Variants in GTF2B observed in about 807,000 individuals in gnomAD.
GTF2B encodes general transcription factor IIB, also known as transcription initiation factor IIB.
GTF2B carries 20 observed loss-of-function variants against 34.6 expected under a neutral mutation model. The observed-to-expected ratio is 0.58, with a 90% CI of 0.41 to 0.84. The LOEUF (loss-of-function observed/expected upper bound fraction) is 0.84, where lower values mean the gene tolerates loss of function less well. Ranked by LOEUF, GTF2B falls within the 40% of genes least tolerant of loss-of-function variation. GTF2B has a pLI of 0.00. For missense variants in GTF2B, 237 were observed against 393.3 expected, an observed-to-expected ratio of 0.60 and a Z score of 3.36; for synonymous variants, 142 against 132.4, an observed-to-expected ratio of 1.07 and a Z score of -0.50.
chr1:88,853,429 A>G, intron 6 of GTF2B, 83 bp from the exon 7 acceptor site: 2 of 1,283,348 alleles, frequency 1.6e-6, no homozygotes, highest in South Asian at 1.2e-5. Flanking sequence ...GTGAGATATG[A>G]TAGTATAAAG....
chr1:88,871,616 A>G (rs1673694822), intron 2 of GTF2B, among the ~76,000 whole-genome samples: 1 of 152,242 alleles, frequency 6.6e-6, no homozygotes, highest in Non-Finnish European at 1.5e-5. Flanking sequence ...AAGGAGAACC[A>G]AAAACGTTAA....
chr1:88,855,359 G>GTTTTTTTTT (rs750561898), intron 6 of GTF2B, among the ~76,000 whole-genome samples: 1 of 124,180 alleles, frequency 8.1e-6, no homozygotes, highest in Non-Finnish European at 1.7e-5. Context: ...TTCTGTTTTT[G>GTTTTTTTTT]TTTTTTTTTT....
At chr1:88,855,238 G>A (rs1231575369) in intron 6 of GTF2B, among the ~76,000 whole-genome samples, 1 of 152,046 alleles carries the variant, frequency 6.6e-6, no homozygotes. Context: ...CTAATGATTG[G>A]CTTTCTTTCT....
chr1:88,872,175 C>G (rs895890951), intron 2 of GTF2B, among the ~76,000 whole-genome samples: 1 of 151,540 alleles, frequency 6.6e-6, no homozygotes, highest in Non-Finnish European at 1.5e-5. Flanking sequence ...CTTTTTAGGC[C>G]GGGTGCGGTG....
chr1:88,888,930 T>G (rs1191194496), intron 1 of GTF2B, among the ~76,000 whole-genome samples: 10 of 152,230 alleles, frequency 6.6e-5, no homozygotes, highest in Admixed American at 6.5e-4. Context: ...TCTTAGCTAG[T>G]GCTAGTGGTA....
intron 3 of GTF2B, among the ~76,000 whole-genome samples, chr1:88,862,962 G>GAA (rs571238071): frequency 4.7e-5 from 6 of 128,658 alleles, no homozygotes; most frequent in Non-Finnish European, 3.4e-5. Flanking sequence ...GACTTTTTTG[G>GAA]AAAAAAAAAA....
intron 2 of GTF2B, among the ~76,000 whole-genome samples, chr1:88,876,532 A>C (rs908297777): frequency 2.0e-5 from 3 of 152,136 alleles, no homozygotes; most frequent in African/African-American, 7.2e-5. Context: ...TTTTTAAAAA[A>C]TTAGCTGAGG....
In GTF2B at chr1:88,867,775, T is replaced by G. The variant is rs1233453334; in HGVS notation, c.125-3661A>C. 2.0e-5 allele frequency among the ~76,000 whole-genome samples: 3 copies of G among 152,302 alleles called. No individual in the cohort carries two copies. In the East Asian group the frequency reaches 5.8e-4, roughly 29 times the overall value. On this transcript the variant is annotated intron_variant, in intron 2 of 6. Coordinates refer to ENST00000370500, the MANE Select transcript of GTF2B (RefSeq NM_001514.6). ...TTTGCTGCCTGCTTTATACTGTTTT[T>G]ATAAAGACAAGATGGATTTTTTATT...
chr1:88,883,529 C>T (rs746980634), intron 2 of GTF2B, among the ~76,000 whole-genome samples: 5 of 151,856 alleles, frequency 3.3e-5, no homozygotes, highest in South Asian at 2.1e-4. Flanking sequence ...GTCTGGGCAA[C>T]GCTGTGAGAC....
chr1:88,887,693 G>T, intron 1 of GTF2B: 1 of 267,160 alleles, frequency 3.7e-6, no homozygotes, highest in South Asian at 3.6e-5. Context: ...ACTAGTTACC[G>T]TAATAACCTG....
intron 2 of GTF2B, among the ~76,000 whole-genome samples, chr1:88,870,072 C>T (rs1297828396): frequency 1.3e-5 from 2 of 152,126 alleles, no homozygotes; most frequent in African/African-American, 4.8e-5. Context: ...GGACTACAGG[C>T]GCCCACCACC....
At chr1:88,875,148 A>G (rs1673791216) in intron 2 of GTF2B, among the ~76,000 whole-genome samples, 1 of 152,222 alleles carries the variant, frequency 6.6e-6, no homozygotes, top group Non-Finnish European at 1.5e-5. Flanking sequence ...AATTTTGAAG[A>G]GAATGCTGAC....
At chr1:88,865,960 C>T (rs895932687) in intron 2 of GTF2B, among the ~76,000 whole-genome samples, 2 of 152,036 alleles carry the variant, frequency 1.3e-5, no homozygotes, top group Admixed American at 6.6e-5. Context: ...ACAGAGAAAA[C>T]GGAAGGAATT....
intron 2 of GTF2B, among the ~76,000 whole-genome samples, chr1:88,879,532 C>T (rs1176310830): frequency 6.7e-6 from 1 of 148,932 alleles, no homozygotes; most frequent in Non-Finnish European, 1.5e-5. Flanking sequence ...TGCAGTGAGC[C>T]GAGATAGCAC....
chr1:88,863,906 CTTT>C (rs1673494560), intron 3 of GTF2B, 72 bp downstream of exon 3: 2 of 1,385,890 alleles, frequency 1.4e-6, no homozygotes, highest in Non-Finnish European at 2.0e-6. Flanking sequence ...GTGACTGATA[CTTT>C]TGCAAAGTTC....
At position 88,882,331 on chromosome 1, in the gene GTF2B, A is replaced by AAAAAAAAC. The variant is rs1235561134; in HGVS notation, c.124+4929_124+4930insGTTTTTTT. On this transcript the variant is annotated intron_variant, in intron 2 of 6. Transcript: ENST00000370500. ...ACTCCAAAAAAAAAAAAAAAAAAAA[A>AAAAAAAAC]AAAAAACGCTACAGAGGTTAGGAGA... Among the ~76,000 whole-genome samples, 221 of 149,648 alleles carry AAAAAAAAC rather than the reference A, an allele frequency of 1.5e-3. 2 individuals are homozygous for AAAAAAAAC. The highest frequency in any genetic ancestry group is 5.4e-3 in the African/African-American group (217 of 39,918).
intron 2 of GTF2B, among the ~76,000 whole-genome samples, chr1:88,866,653 T>C (rs1673566474): frequency 6.6e-6 from 1 of 152,136 alleles, no homozygotes; most frequent in Admixed American, 6.5e-5. Flanking sequence ...AGTGATCCAC[T>C]CACCTCGGCC....
At chr1:88,865,298 G>T (rs1341976372) in intron 2 of GTF2B, among the ~76,000 whole-genome samples, 1 of 152,204 alleles carries the variant, frequency 6.6e-6, no homozygotes, top group Non-Finnish European at 1.5e-5. Context: ...TACAGTGCAT[G>T]TAAAGTGCTT....
At chr1:88,867,874 C>T (rs10493818) in intron 2 of GTF2B, among the ~76,000 whole-genome samples, 43,158 of 151,990 alleles carry the variant, frequency 0.28, 7,063 homozygotes, top group Admixed American at 0.37. Flanking sequence ...TGTAATTTTT[C>T]CACATACGTA....
Sources: allele counts gnomAD v4.1 joint callset (sites outside exome capture counted in the v4.1 genomes callset), GRCh38; gene constraint gnomAD v4.1.1; transcripts MANE v1.5; gene names NCBI Gene and HGNC (gene_info 2026-07-23, HGNC 2026-07-21).